ANO2: variants seen among roughly 807,000 people sequenced by gnomAD.
ANO2 encodes anoctamin 2.
ANO2 carries 101 observed loss-of-function variants against 124.2 expected under a neutral mutation model. The observed-to-expected ratio is 0.81, with a 90% CI of 0.69 to 0.96. The LOEUF is 0.96. Among genes scored for constraint, ANO2 ranks in the 40% least tolerant of loss-of-function variants. ANO2 has a pLI of 0.00. For synonymous variants in ANO2, 486 were observed against 482.5 expected (o/e 1.01, Z -0.09); for missense variants, 1,293 against 1,274.5 (o/e 1.01, Z -0.22).
intron 3 of ANO2, among the ~76,000 whole-genome samples, chr12:5,879,439 C>T (rs1009000301): frequency 6.6e-6 from 1 of 152,164 alleles, no homozygotes; most frequent in African/African-American, 2.4e-5. Context: ...TAAGCACGTG[C>T]TAAGTAAGCT....
intron 10 of ANO2, among the ~76,000 whole-genome samples, chr12:5,758,637 C>A (rs1010422074): frequency 6.6e-6 from 1 of 152,112 alleles, no homozygotes; most frequent in African/African-American, 2.4e-5. Flanking sequence ...AAGGTAATAG[C>A]GTACTATCAC....
At chr12:5,713,974 G>A (rs888131970) in intron 14 of ANO2, among the ~76,000 whole-genome samples, 1 of 152,154 alleles carries the variant, frequency 6.6e-6, no homozygotes, top group Non-Finnish European at 1.5e-5. Flanking sequence ...GAGACAGAAG[G>A]AGAGATGTTA....
At chr12:5,645,344 G>T (rs1021229152) in intron 15 of ANO2, among the ~76,000 whole-genome samples, 5 of 151,978 alleles carry the variant, frequency 3.3e-5, no homozygotes, top group Admixed American at 2.0e-4. Context: ...AGCCAAGATT[G>T]TACCACTGCA....
At chr12:5,846,014 ATTCAAAGCGGTT>A (rs1488009387) in intron 4 of ANO2, among the ~76,000 whole-genome samples, 1 of 152,236 alleles carries the variant, frequency 6.6e-6, no homozygotes, top group Non-Finnish European at 1.5e-5. Flanking sequence ...GAGTGGCATA[ATTCAAAGCGGTT>A]TTATGAATCT....
chr12:5,748,294 G>A (rs570856660), intron 11 of ANO2, among the ~76,000 whole-genome samples: 128 of 152,334 alleles, frequency 8.4e-4, no homozygotes, highest in Non-Finnish European at 1.2e-3. Flanking sequence ...CCACTGCACT[G>A]GCACGGTATG....
intron 19 of ANO2, among the ~76,000 whole-genome samples, chr12:5,607,746 C>T (rs975040501): frequency 3.3e-5 from 5 of 152,120 alleles, no homozygotes; most frequent in African/African-American, 1.2e-4. Flanking sequence ...ACTGTGCATG[C>T]GAGGGATCTA....
chr12:5,717,691 C>T (rs759885629), intron 14 of ANO2, among the ~76,000 whole-genome samples: 6 of 152,114 alleles, frequency 3.9e-5, no homozygotes, highest in South Asian at 2.1e-4. Flanking sequence ...GGAATGACAG[C>T]GCATCATTCT....
At chr12:5,860,976 G>T (rs1260714509) in intron 3 of ANO2, among the ~76,000 whole-genome samples, 1 of 152,206 alleles carries the variant, frequency 6.6e-6, no homozygotes, top group African/African-American at 2.4e-5. Context: ...CACTCAGCAA[G>T]CATTAGACTG....
At chr12:5,565,698 G>A in intron 23 of ANO2, 35 bp from the exon 24 acceptor site, 3 of 1,518,024 alleles carry the variant, frequency 2.0e-6, no homozygotes, top group Non-Finnish European at 2.7e-6. Flanking sequence ...AAGATCAGGA[G>A]CGCATGGAGA....
chr12:5,806,848 G>A (rs375294019), intron 8 of ANO2, among the ~76,000 whole-genome samples: 2 of 152,110 alleles, frequency 1.3e-5, no homozygotes, highest in East Asian at 3.8e-4. Flanking sequence ...TGTTAAGGAG[G>A]AATTTCACAT....
At chr12:5,880,852 G>GCGGATGGA (rs1565745364) in intron 3 of ANO2, among the ~76,000 whole-genome samples, 1 of 116,926 alleles carries the variant, frequency 8.6e-6, no homozygotes, top group Non-Finnish European at 1.8e-5. Context: ...GGGTGGGTGG[G>GCGGATGGA]TGGATAGATG....
intron 14 of ANO2, among the ~76,000 whole-genome samples, chr12:5,698,170 G>A (rs1183405314): frequency 5.9e-5 from 9 of 152,180 alleles, no homozygotes; most frequent in Admixed American, 3.9e-4. Flanking sequence ...CCGGACTCCC[G>A]AGTAGCCTAA....
At position 5,900,260 on chromosome 12, in the gene ANO2, C is replaced by T. The variant is rs922951536; in HGVS notation, c.534+20780G>A. On this transcript the variant is annotated intron_variant, in intron 3 of 24. Coordinates refer to ENST00000682330, the MANE Select transcript of ANO2 (RefSeq NM_001364791.2). The surrounding 1 kb of genome is among the most constrained non-coding windows in gnomAD (Gnocchi z 4.2). Reference sequence around the variant, plus strand: ...CCAGCTTCATCTTCTAGCTCTGGCTCAAGGTAAAGAGTGAGGAAAAATGCA... The same window carrying T: ...CCAGCTTCATCTTCTAGCTCTGGCTTAAGGTAAAGAGTGAGGAAAAATGCA... 6.6e-6 allele frequency among the ~76,000 whole-genome samples: 1 copy of T among 152,150 alleles called. No homozygotes were observed. The highest frequency in any genetic ancestry group is 1.5e-5 in the Non-Finnish European group (1 of 68,022).
chr12:5,778,009 G>A (rs780029393), intron 10 of ANO2, among the ~76,000 whole-genome samples: 1 of 152,166 alleles, frequency 6.6e-6, no homozygotes, highest in African/African-American at 2.4e-5. Context: ...GGAACAGAAC[G>A]GCTTCTATTA....
chr12:5,808,855 T>C (rs1953289536), intron 7 of ANO2, among the ~76,000 whole-genome samples: 1 of 152,154 alleles, frequency 6.6e-6, no homozygotes, highest in Non-Finnish European at 1.5e-5. Context: ...ATCAGCCTCC[T>C]CTTCCTCAAA....
At position 5,576,020 on chromosome 12, in the gene ANO2, G is replaced by C; in HGVS notation, c.2440-5C>G. 6.3e-7 allele frequency: 1 copy of C among 1,599,062 alleles called. No individual in the cohort carries two copies. The highest frequency in any genetic ancestry group is 8.5e-7 in the Non-Finnish European group (1 of 1,172,142). On this transcript the variant is annotated splice_region_variant and splice_polypyrimidine_tract_variant and intron_variant, in intron 22 of 24. Coordinates refer to ENST00000682330, the MANE Select transcript of ANO2 (RefSeq NM_001364791.2). ...GGTGATCGCAATGACAAAAGCCTGA[G>C]GGACAGAACCATAAGCACTGAGTAG... is the stretch of plus-strand genomic sequence containing the variant.
chr12:5,615,080 T>C (rs1944732192), intron 17 of ANO2, 106 bp downstream of exon 17: 2 of 795,596 alleles, frequency 2.5e-6, no homozygotes, highest in Non-Finnish European at 4.0e-6. Flanking sequence ...GAGAAGGGGC[T>C]GACGCTGAGT....
chr12:5,625,278 T>C (rs1441962494), intron 16 of ANO2, among the ~76,000 whole-genome samples: 2 of 151,894 alleles, frequency 1.3e-5, no homozygotes, highest in Non-Finnish European at 2.9e-5. Context: ...CCAGTCAATA[T>C]GAGGATGAAA....
At chr12:5,945,791 A>C (rs1231028587), upstream of ANO2, among the ~76,000 whole-genome samples, 2 of 152,188 alleles carry the variant, frequency 1.3e-5, no homozygotes, top group Non-Finnish European at 2.9e-5. Context: ...AGCAGAACAA[A>C]AGGGAGAAGA....
Sources: allele counts gnomAD v4.1 joint callset (sites outside exome capture counted in the v4.1 genomes callset), GRCh38; gene constraint gnomAD v4.1.1; non-coding constraint Gnocchi (gnomAD v3.1); transcripts MANE v1.5; gene names NCBI Gene and HGNC (gene_info 2026-07-23, HGNC 2026-07-21).